Variants in GOLGA7 observed in about 807,000 individuals in gnomAD.
GOLGA7 encodes the protein golgin A7.
GOLGA7 carries 10 observed loss-of-function variants against 21.1 expected under a neutral mutation model. That is an observed-to-expected ratio of 0.47 (90% CI 0.29 to 0.80). GOLGA7 has a LOEUF of 0.80. GOLGA7 is among the 30% of genes least tolerant of loss of function. The probability of loss-of-function intolerance (pLI) is 0.08; values close to 1 mark genes in which losing one functional copy is unlikely to be tolerated. For synonymous variants in GOLGA7, 64 were observed against 62.6 expected (o/e 1.02, Z -0.10); for missense variants, 114 against 166.8 (o/e 0.68, Z 1.74).
chr8:41,501,215 C>T (rs373171420), intron 2 of GOLGA7, among the ~76,000 whole-genome samples: 1 of 152,030 alleles, frequency 6.6e-6, no homozygotes, highest in Non-Finnish European at 1.5e-5. Context: ...AAATTAATCT[C>T]TCTGAATTCT....
chr8:41,509,971 C>T lies in GOLGA7; in HGVS notation c.*403C>T, dbSNP rs1010245717. ...CAGGTGGCTTTAGACCTCAACAAGC[C>T]GTATCTTCACCAGTGTTCTATCTTG... On this transcript the variant is annotated 3_prime_UTR_variant, in exon 5 of 5. Coordinates refer to ENST00000357743, the MANE Select transcript of GOLGA7 (RefSeq NM_001002296.2). 2 of 152,454 alleles carry T rather than the reference C, an allele frequency of 1.3e-5. No homozygotes were observed. The highest frequency in any genetic ancestry group is 2.9e-5 in the Non-Finnish European group (2 of 68,038). The allele number at this position is 152,454 out of a possible 1,614,324, so 9.4% of individuals were successfully genotyped here. A position where few individuals can be genotyped will look rare whatever the true frequency, so the allele number is the denominator to read the frequency against.
At chr8:41,506,745 C>T (rs1233419316) in intron 3 of GOLGA7, among the ~76,000 whole-genome samples, 1 of 152,110 alleles carries the variant, frequency 6.6e-6, no homozygotes, top group Non-Finnish European at 1.5e-5. Context: ...TCCCTGAATT[C>T]ATTACCTCCA....
In GOLGA7 at chr8:41,497,540, G is replaced by A. The variant is rs146085726; in HGVS notation, c.143G>A (p.Arg48Gln). 27 of 1,576,342 alleles carry A rather than the reference G, an allele frequency of 1.7e-5. No homozygotes were observed. Among genetic ancestry groups the A allele is most frequent in the African/African-American group, 1.6e-4 (12 of 74,108 alleles). ...IDRQQFEETV[R>Q]TLNNLYAEAE... is the part of the protein sequence containing the mutation. ...AGGCAGCAGTTTGAAGAAACAGTTC[G>A]AACTCTAAATAACCTTTATGCAGAA... The change falls in exon 2 of 5, where the codon CGA (arginine) becomes CAA (glutamine). Residue 48 changes from arginine (R) to glutamine (Q), a missense_variant. Coordinates refer to ENST00000357743, the MANE Select transcript of GOLGA7 (RefSeq NM_001002296.2).
chr8:41,510,910 G>A lies in GOLGA7; in HGVS notation c.*1342G>A, dbSNP rs1337174057. ...GTTACTTTACAGCCTGTAATAGTGT[G>A]TCTGCATTTTCAACCTGTTGCAATA... On this transcript the variant is annotated 3_prime_UTR_variant, in exon 5 of 5. Coordinates refer to ENST00000357743, the MANE Select transcript of GOLGA7 (RefSeq NM_001002296.2). 6.0e-6 allele frequency: 1 copy of A among 166,290 alleles called. No homozygotes were observed. The highest frequency in any genetic ancestry group is 1.3e-5 in the Non-Finnish European group (1 of 76,878). The allele number at this position is 166,290 out of a possible 1,614,324, so 10.3% of individuals were successfully genotyped here.
At chr8:41,509,408 A>G (rs1039134864) in intron 4 of GOLGA7, among the ~76,000 whole-genome samples, 176 bp from the exon 5 acceptor site, 1 of 152,228 alleles carries the variant, frequency 6.6e-6, no homozygotes, top group Non-Finnish European at 1.5e-5. Context: ...TTTGTAGACT[A>G]TTGAGCTGTA....
chr8:41,503,525 C>T (rs1806201120), intron 2 of GOLGA7, among the ~76,000 whole-genome samples: 1 of 84,818 alleles, frequency 1.2e-5, no homozygotes, highest in East Asian at 2.7e-4. Context: ...AGGTTTTCTT[C>T]TAGGGTTTTT....
intron 4 of GOLGA7, among the ~76,000 whole-genome samples, chr8:41,507,704 A>G (rs1288337198): frequency 1.3e-5 from 2 of 152,198 alleles, no homozygotes; most frequent in Non-Finnish European, 2.9e-5. Flanking sequence ...ACAAATTAAT[A>G]CTACTAAGAA....
chr8:41,493,983 G>A (rs143549206), intron 1 of GOLGA7, among the ~76,000 whole-genome samples: 1 of 151,950 alleles, frequency 6.6e-6, no homozygotes, highest in African/African-American at 2.4e-5. Flanking sequence ...TGCCTTTATT[G>A]ATGCCTTCTG....
chr8:41,503,731 G>A (rs1376052433), intron 2 of GOLGA7, among the ~76,000 whole-genome samples: 30 of 109,010 alleles, frequency 2.8e-4, no homozygotes, highest in South Asian at 9.2e-4. Flanking sequence ...GTAGATATGC[G>A]GCATTATTTC....
Position 41,510,848 on chromosome 8 carries a change from A to T in GOLGA7, c.*1280A>T, listed in dbSNP as rs1806407651. 1 of 153,680 alleles carries T rather than the reference A, an allele frequency of 6.5e-6. No homozygotes were observed. Among genetic ancestry groups the T allele is most frequent in the Admixed American group, 6.5e-5 (1 of 15,320 alleles). The allele number at this position is 153,680 out of a possible 1,614,324, so 9.5% of individuals were successfully genotyped here. A position where few individuals can be genotyped will look rare whatever the true frequency, so the allele number is the denominator to read the frequency against. On this transcript the variant is annotated 3_prime_UTR_variant, in exon 5 of 5. Transcript: ENST00000357743. ...TGTTAGTCATTCAACAAATCCCATA[A>T]GTATGTGTTAATATTTTAATTGTGT...
chr8:41,493,369 C>G (rs1805931737), intron 1 of GOLGA7, among the ~76,000 whole-genome samples: 1 of 152,154 alleles, frequency 6.6e-6, no homozygotes, highest in Admixed American at 6.6e-5. Flanking sequence ...GACTAATATG[C>G]AAGTGTTTTG....
chr8:41,505,152 G>A (rs923944943), intron 2 of GOLGA7, among the ~76,000 whole-genome samples: 1 of 152,158 alleles, frequency 6.6e-6, no homozygotes, highest in African/African-American at 2.4e-5. Flanking sequence ...ATTAAAGCTG[G>A]AGATTTGGCA....
chr8:41,495,956 GTTCT>G (rs1243612132), intron 1 of GOLGA7, among the ~76,000 whole-genome samples: 1 of 152,148 alleles, frequency 6.6e-6, no homozygotes, highest in African/African-American at 2.4e-5. Flanking sequence ...GACAGTACAG[GTTCT>G]TTCTTATGTG....
At chr8:41,501,146 G>T (rs1040887183) in intron 2 of GOLGA7, among the ~76,000 whole-genome samples, 1 of 152,106 alleles carries the variant, frequency 6.6e-6, no homozygotes, top group Non-Finnish European at 1.5e-5. Context: ...GATGTCATTT[G>T]TAAAAAGAAA....
intron 1 of GOLGA7, among the ~76,000 whole-genome samples, chr8:41,496,232 G>A (rs922940499): frequency 2.8e-4 from 43 of 152,074 alleles, no homozygotes; most frequent in Non-Finnish European, 7.4e-5. Flanking sequence ...GCTGTGCATG[G>A]AAAAGATACA....
intron 4 of GOLGA7, among the ~76,000 whole-genome samples, chr8:41,507,332 A>AT (rs955762837): frequency 3.3e-5 from 5 of 151,922 alleles, no homozygotes; most frequent in South Asian, 2.1e-4. Context: ...TTTAATTCTG[A>AT]TTTTTTTTCC....
chr8:41,497,953 C>CT (rs1292596449), intron 2 of GOLGA7, among the ~76,000 whole-genome samples: 1 of 152,178 alleles, frequency 6.6e-6, no homozygotes, highest in Non-Finnish European at 1.5e-5. Context: ...AATGTTTTTA[C>CT]TTTATTTCCC....
Position 41,498,801 on chromosome 8 carries a change from C to T in GOLGA7, c.264+1140C>T, listed in dbSNP as rs539957003. Among the ~76,000 whole-genome samples, 20 of 152,342 alleles carry T rather than the reference C, an allele frequency of 1.3e-4. No individual in the cohort carries two copies. In the South Asian group the frequency reaches 3.9e-3, roughly 30 times the overall value. On this transcript the variant is annotated intron_variant, in intron 2 of 4. Transcript: ENST00000357743. ...ATTTTGTATCCCTCTTCATGCCTAACACCATGCTTTGGGTATATCAGGCAC... is the reference window on the plus strand; with the variant it reads ...ATTTTGTATCCCTCTTCATGCCTAATACCATGCTTTGGGTATATCAGGCAC...
At chr8:41,492,390 G>C (rs1214806335) in intron 1 of GOLGA7, among the ~76,000 whole-genome samples, 1 of 152,284 alleles carries the variant, frequency 6.6e-6, no homozygotes, top group African/African-American at 2.4e-5. Context: ...GGCTGGGCCC[G>C]GTGGCTCACG....
Sources: allele counts gnomAD v4.1 joint callset (sites outside exome capture counted in the v4.1 genomes callset), GRCh38; gene constraint gnomAD v4.1.1; transcripts MANE v1.5; gene names NCBI Gene and HGNC (gene_info 2026-07-23, HGNC 2026-07-21).